The following NXPE2 variants were observed in gnomAD, a reference collection of about 807,000 sequenced individuals.
The protein encoded by NXPE2 is NXPE family member 2.
A neutral mutation model predicts 34.4 loss-of-function variants in NXPE2; 34 were observed. The observed-to-expected ratio is 0.99, with a 90% CI of 0.75 to 1.31. The LOEUF (loss-of-function observed/expected upper bound fraction) is 1.31. NXPE2 is among the 40% of genes most tolerant of loss of function. The pLI, the probability that NXPE2 is intolerant of heterozygous loss-of-function variation, is 0.00. For missense variants in NXPE2, 649 were observed against 672.5 expected, an observed-to-expected ratio of 0.97 and a Z score of 0.39; for synonymous variants, 235 against 231.3, an observed-to-expected ratio of 1.02 and a Z score of -0.15.
intron 2 of NXPE2, among the ~76,000 whole-genome samples, chr11:114,687,744 T>A (rs946417356): frequency 4.6e-5 from 7 of 152,066 alleles, no homozygotes; most frequent in African/African-American, 1.7e-4. Flanking sequence ...GCAAGGGATG[T>A]TTTTCCATTT....
the NXPE2 span, among the ~76,000 whole-genome samples, chr11:114,487,788 T>C: frequency 6.6e-6 from 1 of 151,970 alleles, no homozygotes; most frequent in African/African-American, 2.4e-5. Context: ...ATGGTTTTTG[T>C]ATGTGATATG....
At chr11:114,657,487 T>C in the NXPE2 span, among the ~76,000 whole-genome samples, 2 of 152,150 alleles carry the variant, frequency 1.3e-5, no homozygotes, top group Non-Finnish European at 2.9e-5. Flanking sequence ...ATGCTACAAT[T>C]TTTGCAGGTA....
chr11:114,527,824 G>A, the NXPE2 span: 1 of 1,591,586 alleles, frequency 6.3e-7, no homozygotes. Context: ...CCTAACTCAG[G>A]ACAGAGCCAA....
chr11:114,761,561 C>CTTTTTTTT, the NXPE2 span, among the ~76,000 whole-genome samples: 1 of 92,772 alleles, frequency 1.1e-5, no homozygotes, highest in Non-Finnish European at 2.0e-5. Flanking sequence ...AGCCAAGCCT[C>CTTTTTTTT]TTTTTTTTTT....
the NXPE2 span, among the ~76,000 whole-genome samples, chr11:114,744,168 T>A: frequency 3.2e-4 from 49 of 152,288 alleles, no homozygotes; most frequent in Non-Finnish European, 5.9e-4. Context: ...TTCTTCTCAA[T>A]TCCAGGTATC....
chr11:114,544,182 A>G, the NXPE2 span, among the ~76,000 whole-genome samples: 1 of 152,202 alleles, frequency 6.6e-6, no homozygotes, highest in Non-Finnish European at 1.5e-5. Context: ...TTGATTCAAT[A>G]CCATTTCAAT....
chr11:114,752,288 C>T, the NXPE2 span, among the ~76,000 whole-genome samples: 13 of 152,122 alleles, frequency 8.5e-5, no homozygotes, highest in Admixed American at 2.6e-4. Context: ...AAGAGGCTTC[C>T]GGGAGATGAG....
At chr11:114,743,964 T>C in the NXPE2 span, among the ~76,000 whole-genome samples, 1 of 151,944 alleles carries the variant, frequency 6.6e-6, no homozygotes, top group African/African-American at 2.4e-5. Context: ...TATATGTATA[T>C]TTTTTACCAA....
At chr11:114,557,632 T>G in the NXPE2 span, among the ~76,000 whole-genome samples, 1 of 47,756 alleles carries the variant, frequency 2.1e-5, no homozygotes, top group Admixed American at 3.5e-4. Flanking sequence ...TTATATATAA[T>G]ACATATATAT....
chr11:114,743,168 A>AGGCAACAGGCTTCATTTT, the NXPE2 span, among the ~76,000 whole-genome samples: 1 of 152,180 alleles, frequency 6.6e-6, no homozygotes, highest in South Asian at 2.1e-4. Context: ...AATCTTGGCA[A>AGGCAACAGGCTTCATTTT]CTTATATTAA....
chr11:114,774,922 T>C, the NXPE2 span, among the ~76,000 whole-genome samples: 1 of 152,228 alleles, frequency 6.6e-6, no homozygotes, highest in South Asian at 2.1e-4. Flanking sequence ...ATTTAAAAAA[T>C]GGCTTTTCTG....
chr11:114,761,558 C>T, the NXPE2 span, among the ~76,000 whole-genome samples: 4 of 134,370 alleles, frequency 3.0e-5, no homozygotes, highest in Non-Finnish European at 6.1e-5. Context: ...CCTAGCCAAG[C>T]CTCTTTTTTT....
At chr11:114,697,483 A>T (rs528839499) in intron 2 of NXPE2, among the ~76,000 whole-genome samples, 31 of 152,330 alleles carry the variant, frequency 2.0e-4, no homozygotes, top group African/African-American at 7.2e-4. Context: ...GAATAAATTT[A>T]TGTTCTTTTA....
the NXPE2 span, among the ~76,000 whole-genome samples, chr11:114,600,779 A>T: frequency 4.0e-3 from 616 of 152,208 alleles, 5 homozygotes; most frequent in South Asian, 0.029. Context: ...AATTCTGAAC[A>T]TTTGATTATT....
chr11:114,625,188 C>T, the NXPE2 span, among the ~76,000 whole-genome samples: 11 of 148,022 alleles, frequency 7.4e-5, no homozygotes, highest in East Asian at 4.1e-4. Flanking sequence ...GTGGATAATA[C>T]GTGTGGCCTT....
chr11:114,636,817 G>C, the NXPE2 span, among the ~76,000 whole-genome samples: 2 of 152,046 alleles, frequency 1.3e-5, no homozygotes, highest in African/African-American at 4.8e-5. Flanking sequence ...ATTGCACTGT[G>C]GTCTGAGAGA....
chr11:114,613,631 G>T, the NXPE2 span, among the ~76,000 whole-genome samples: 1 of 151,730 alleles, frequency 6.6e-6, no homozygotes, highest in Non-Finnish European at 1.5e-5. Context: ...GTTACACACT[G>T]GATAACAAGT....
chr11:114,547,891 T>C, the NXPE2 span, among the ~76,000 whole-genome samples: 50 of 152,272 alleles, frequency 3.3e-4, no homozygotes, highest in African/African-American at 1.1e-3. Flanking sequence ...AATGTTGAAA[T>C]GGAGGATATT....
chr11:114,563,749 T>A, the NXPE2 span, among the ~76,000 whole-genome samples: 1 of 152,122 alleles, frequency 6.6e-6, no homozygotes, highest in Non-Finnish European at 1.5e-5. Flanking sequence ...ATCAGGGAAA[T>A]ACAAATCGAA....
Sources: gnomAD v4.1 joint callset for allele counts (sites outside exome capture counted in the v4.1 genomes callset) on GRCh38, gnomAD v4.1.1 for gene constraint, MANE v1.5 for transcripts, NCBI Gene and HGNC (gene_info 2026-07-23, HGNC 2026-07-21) for gene names.